NCOR1: variants seen among roughly 807,000 people sequenced by gnomAD.
NCOR1 encodes the protein nuclear receptor corepressor 1.
NCOR1 carries 63 observed loss-of-function variants against 288.1 expected under a neutral mutation model. The observed-to-expected ratio is 0.22, with a 90% CI of 0.18 to 0.27. The LOEUF (loss-of-function observed/expected upper bound fraction) is 0.27. Among genes scored for constraint, NCOR1 ranks in the 10% least tolerant of loss-of-function variants. The probability of loss-of-function intolerance (pLI) is 1.00; values close to 1 mark genes in which losing one functional copy is unlikely to be tolerated. For synonymous variants in NCOR1, 1,007 were observed against 1,065.9 expected, an observed-to-expected ratio of 0.94 and a Z score of 1.08; for missense variants, 2,397 against 3,019.2, an observed-to-expected ratio of 0.79 and a Z score of 4.83.
At position 16,143,564 on chromosome 17, in the gene NCOR1, T is replaced by C. The variant is rs537724916; in HGVS notation, c.1173+42A>G. Reference sequence around the variant, plus strand: ...TAGCTCCTACAGAGTTAAAATGCTTTAATAATTAACGAATTAACTTGAATT... The same window carrying C: ...TAGCTCCTACAGAGTTAAAATGCTTCAATAATTAACGAATTAACTTGAATT... On this transcript the variant is annotated intron_variant, in intron 11 of 45. Transcript: ENST00000268712. 3 of 1,499,380 alleles carry C rather than the reference T, an allele frequency of 2.0e-6. No homozygotes were observed. The Admixed American group carries it at 5.1e-5, about 25-fold the overall frequency. The allele number at this position is 1,499,380 out of a possible 1,614,324, so 92.9% of individuals were successfully genotyped here. A position where few individuals can be genotyped will look rare whatever the true frequency, so the allele number is the denominator to read the frequency against.
chr17:16,206,030 T>A (rs1188773420), intron 1 of NCOR1, among the ~76,000 whole-genome samples: 2 of 151,254 alleles, frequency 1.3e-5, no homozygotes, highest in Non-Finnish European at 2.9e-5. Flanking sequence ...CCAATCAGAA[T>A]CACATTTTTT....
At chr17:16,135,201 T>C (rs1001685834) in intron 14 of NCOR1, among the ~76,000 whole-genome samples, 2 of 151,102 alleles carry the variant, frequency 1.3e-5, no homozygotes, top group Middle Eastern at 3.2e-3. Context: ...GAAACTTGTT[T>C]AAAACATAGA....
rs577955825 is a variant in NCOR1, at chr17:16,125,362, C to T, written c.1634+720G>A. ...TGGGCAACAGACTGAGGCTCTGTCT[C>T]GAAAATAAATAAATAAAATAAAATT... is the stretch of plus-strand genomic sequence containing the variant. On this transcript the variant is annotated intron_variant, in intron 15 of 45. Transcript: ENST00000268712. Among the ~76,000 whole-genome samples, 3 of 151,450 alleles carry T rather than the reference C, an allele frequency of 2.0e-5. No homozygotes were observed. In the East Asian group the frequency reaches 5.9e-4, roughly 30 times the overall value.
intron 44 of NCOR1, among the ~76,000 whole-genome samples, chr17:16,038,435 CTT>C (rs34997322): frequency 2.7e-5 from 4 of 149,436 alleles, no homozygotes; most frequent in Admixed American, 6.7e-5. Flanking sequence ...TTTTCCTACT[CTT>C]TTTTTTTTTC....
intron 3 of NCOR1, among the ~76,000 whole-genome samples, chr17:16,181,715 T>C (rs2085526068): frequency 6.6e-6 from 1 of 152,198 alleles, no homozygotes; most frequent in Non-Finnish European, 1.5e-5. Flanking sequence ...TTTATTTTAA[T>C]ATGTAAATGT....
intron 2 of NCOR1, among the ~76,000 whole-genome samples, chr17:16,191,063 C>CT (rs2088159607): frequency 1.3e-5 from 2 of 152,314 alleles, no homozygotes; most frequent in South Asian, 4.1e-4. Flanking sequence ...TTCCTAAACT[C>CT]TGAATTTGGG....
intron 16 of NCOR1, among the ~76,000 whole-genome samples, chr17:16,120,141 C>T (rs2072678954): frequency 1.3e-5 from 2 of 152,126 alleles, no homozygotes; most frequent in Non-Finnish European, 2.9e-5. Context: ...AATCTTGCCT[C>T]CCATTTACCA....
Position 16,031,097 on chromosome 17 carries a change from A to G in NCOR1, c.*1199T>C, listed in dbSNP as rs1196167322. 1.0e-5 allele frequency: 2 copies of G among 191,778 alleles called. No individual in the cohort carries two copies. The highest frequency in any genetic ancestry group is 6.1e-5 in the Admixed American group (1 of 16,328). The allele number at this position is 191,778 out of a possible 1,614,324, so 11.9% of individuals were successfully genotyped here. On this transcript the variant is annotated 3_prime_UTR_variant, in exon 46 of 46. Transcript: ENST00000268712. ...ATAAAACTGGCCCTCTAGTACCATA[A>G]TTAGTTTAGAATTCAGTCTTTTAAA...
At position 16,057,952 on chromosome 17, in the gene NCOR1, T is replaced by A. The variant is rs1376905763; in HGVS notation, c.6123A>T (p.Gln2041His). The change falls in exon 39 of 46, where the codon CAA becomes CAT. Residue 2041 changes from glutamine (Q) to histidine (H), a missense_variant. Transcript: ENST00000268712. ...TGATCAGCCGATGGGTCCTGGGCAC[T>A]TGCCCCATTCCCTCTGCCTGTGAAG... is the stretch of plus-strand genomic sequence containing the variant. The part of the protein sequence containing the change: ...PPSSQAEGMG[Q>H]VPRTHRLITL... 2 of 1,614,068 alleles carry A rather than the reference T, an allele frequency of 1.2e-6. No homozygotes were observed. The highest frequency in any genetic ancestry group is 1.7e-6 in the Non-Finnish European group (2 of 1,180,028).
rs1045857564 is a variant in NCOR1, at chr17:16,121,343, T to C, written c.1635-74A>G. On this transcript the variant is annotated intron_variant, in intron 15 of 45. Transcript: ENST00000268712. ...CATCGAAGAAGGTTTTAGTTTTGAATATTATCTAAATAGAAATTGAATAAA... is the reference window on the plus strand; with the variant it reads ...CATCGAAGAAGGTTTTAGTTTTGAACATTATCTAAATAGAAATTGAATAAA... 8 of 1,243,460 alleles carry C rather than the reference T, an allele frequency of 6.4e-6. No homozygotes were observed. The African/African-American group carries it at 9.1e-5, about 14-fold the overall frequency. The allele number at this position is 1,243,460 out of a possible 1,614,324, so 77.0% of individuals were successfully genotyped here. A position where few individuals can be genotyped will look rare whatever the true frequency, so the allele number is the denominator to read the frequency against.
chr17:16,055,017 A>G (rs1471188055), intron 40 of NCOR1, among the ~76,000 whole-genome samples: 5 of 152,224 alleles, frequency 3.3e-5, no homozygotes, highest in Non-Finnish European at 5.9e-5. Context: ...TAAAAAGTGA[A>G]AAAATAACAG....
chr17:16,183,190 A>T (rs1453082453), intron 3 of NCOR1, among the ~76,000 whole-genome samples: 2 of 149,918 alleles, frequency 1.3e-5, no homozygotes, highest in African/African-American at 4.9e-5. Context: ...AAACACTTCT[A>T]ATCAACATAG....
At chr17:16,146,927 A>G (rs1403884984) in intron 9 of NCOR1, among the ~76,000 whole-genome samples, 2 of 152,232 alleles carry the variant, frequency 1.3e-5, no homozygotes, top group African/African-American at 4.8e-5. Context: ...CTGACCAATT[A>G]CCCAAAGGCA....
At chr17:16,044,714 G>T (rs544341098) in intron 42 of NCOR1, 30 of 719,190 alleles carry the variant, frequency 4.2e-5, no homozygotes, top group African/African-American at 2.8e-4. Flanking sequence ...CAATGCCCTC[G>T]TTAAAGCAGC....
intron 44 of NCOR1, among the ~76,000 whole-genome samples, chr17:16,036,653 C>T (rs1483738926): frequency 6.6e-6 from 1 of 152,228 alleles, no homozygotes; most frequent in African/African-American, 2.4e-5. Flanking sequence ...GAGACGGCTT[C>T]TTCAACCTCT....
intron 40 of NCOR1, among the ~76,000 whole-genome samples, chr17:16,054,563 C>G (rs1326508845): frequency 2.0e-5 from 3 of 151,886 alleles, no homozygotes; most frequent in Non-Finnish European, 4.4e-5. Context: ...TGAACAGACA[C>G]TTTTCAAAAG....
chr17:16,189,082 A>T (rs199589795), intron 2 of NCOR1, among the ~76,000 whole-genome samples: 9 of 151,528 alleles, frequency 5.9e-5, no homozygotes, highest in Non-Finnish European at 8.8e-5. Context: ...AAATAAAAAT[A>T]AAAAAAAATA....
In NCOR1 at chr17:16,034,947, G is replaced by A. The variant is rs766424098; in HGVS notation, c.6956-3C>T. 7 of 1,613,144 alleles carry A rather than the reference G, an allele frequency of 4.3e-6. No homozygotes were observed. The African/African-American group carries it at 6.7e-5, about 15-fold the overall frequency. The stretch of plus-strand genomic sequence containing the variant: ...CAGCTTTGGTTTGCAAACTCCTCCT[G>A]AAAGTGAAATTCAAGTTAAAGTATT... On this transcript the variant is annotated splice_polypyrimidine_tract_variant and splice_region_variant and intron_variant, in intron 44 of 45. Coordinates refer to ENST00000268712, the MANE Select transcript of NCOR1 (RefSeq NM_006311.4).
At chr17:16,079,248 GT>G (rs1281677448) in intron 26 of NCOR1, among the ~76,000 whole-genome samples, 1 of 152,166 alleles carries the variant, frequency 6.6e-6, no homozygotes, top group Non-Finnish European at 1.5e-5. Context: ...TGCTCCTGGT[GT>G]GGGGATCATA....
Sources: allele counts gnomAD v4.1 joint callset (sites outside exome capture counted in the v4.1 genomes callset), GRCh38; gene constraint gnomAD v4.1.1; transcripts MANE v1.5; gene names NCBI Gene and HGNC (gene_info 2026-07-23, HGNC 2026-07-21).